The following CTIF variants were observed in gnomAD, a reference collection of about 807,000 sequenced individuals.
The protein encoded by CTIF is CBP80/20-dependent translation initiation factor.
A neutral mutation model predicts 66.0 loss-of-function variants in CTIF; 21 were observed. The ratio of observed to expected loss-of-function variants is 0.32; its 90% CI spans 0.23 to 0.46. The LOEUF (loss-of-function observed/expected upper bound fraction) is 0.46. Among genes scored for constraint, CTIF ranks in the 20% least tolerant of loss-of-function variants. The pLI is 1.00. For missense variants in CTIF, 739 were observed against 812.7 expected (o/e 0.91, Z 1.10); for synonymous variants, 345 against 326.4 (o/e 1.06, Z -0.62).
At chr18:48,590,357 C>A (rs111477910) in intron 1 of CTIF, among the ~76,000 whole-genome samples, 2 of 151,300 alleles carry the variant, frequency 1.3e-5, no homozygotes, top group Non-Finnish European at 3.0e-5. Context: ...TGGGCCTGCC[C>A]GGAACTGGCC....
At chr18:48,754,098 T>C (rs1182091116) in intron 7 of CTIF, among the ~76,000 whole-genome samples, 1 of 152,228 alleles carries the variant, frequency 6.6e-6, no homozygotes. Flanking sequence ...CCAGTGCCCT[T>C]AGCAGCCCTC....
At chr18:48,621,209 A>C (rs299703) in intron 2 of CTIF, among the ~76,000 whole-genome samples, 58,083 of 151,446 alleles carry the variant, frequency 0.38, 11,950 homozygotes, top group African/African-American at 0.53. Flanking sequence ...AGTAAAGCGG[A>C]AAATGGAACG....
At chr18:48,619,876 C>A (rs1365445295) in intron 2 of CTIF, 131 bp downstream of exon 2, 12 of 904,458 alleles carry the variant, frequency 1.3e-5, no homozygotes, top group Non-Finnish European at 1.8e-5. Context: ...CCCAGCAGAG[C>A]ACCCAGAATC....
intron 9 of CTIF, among the ~76,000 whole-genome samples, chr18:48,786,369 G>T (rs1306156987): frequency 6.6e-6 from 1 of 152,166 alleles, no homozygotes; most frequent in Non-Finnish European, 1.5e-5. Context: ...GCACTGTCAA[G>T]AGCCTGGACT....
chr18:48,767,377 C>T (rs879738231), intron 9 of CTIF, among the ~76,000 whole-genome samples: 2 of 152,088 alleles, frequency 1.3e-5, no homozygotes, highest in Admixed American at 6.5e-5. Context: ...GTCACTGCCC[C>T]GGGACGTCCA....
Position 48,857,656 on chromosome 18 carries a change from T to C in CTIF, c.1581+15T>C, listed in dbSNP as rs912279882. 6.3e-7 allele frequency: 1 copy of C among 1,599,088 alleles called. No homozygotes were observed. Among genetic ancestry groups the C allele is most frequent in the African/African-American group, 1.3e-5 (1 of 74,356 alleles). On this transcript the variant is annotated intron_variant, in intron 11 of 11. Coordinates refer to ENST00000256413, the MANE Select transcript of CTIF (RefSeq NM_014772.3). ...GCTCTATGGAGGTAAGCTTTGGGGC[T>C]TCGACATCCCCAACCTCAAAGCCGG...
At chr18:48,702,400 T>C (rs983098726) in intron 6 of CTIF, among the ~76,000 whole-genome samples, 1 of 151,948 alleles carries the variant, frequency 6.6e-6, no homozygotes, top group African/African-American at 2.4e-5. Flanking sequence ...TTTAAGGGGG[T>C]CGTGGAATCC....
chr18:48,610,309 T>C (rs1404079730), intron 1 of CTIF, among the ~76,000 whole-genome samples: 1 of 152,156 alleles, frequency 6.6e-6, no homozygotes, highest in Non-Finnish European at 1.5e-5. Flanking sequence ...GAGGCTTCTA[T>C]GGGCTTTGGG....
At position 48,839,284 on chromosome 18, in the gene CTIF, T is replaced by G. The variant is rs892741389; in HGVS notation, c.1528-18304T>G. 1.5e-4 allele frequency among the ~76,000 whole-genome samples: 23 copies of G among 152,150 alleles called. No individual in the cohort carries two copies. In the East Asian group the frequency reaches 4.4e-3, roughly 29 times the overall value. On this transcript the variant is annotated intron_variant, in intron 10 of 11. Transcript: ENST00000256413. ...CCTGCCTGTGGTGTCCTTCCCTCTC[T>G]TCCTCTCCTCACCCCACTCTCCTGG...
intron 9 of CTIF, among the ~76,000 whole-genome samples, chr18:48,787,170 T>C (rs1911784391): frequency 6.6e-6 from 1 of 151,894 alleles, no homozygotes; most frequent in Non-Finnish European, 1.5e-5. Context: ...CCCAGAAGGA[T>C]GACCGACATC....
At chr18:48,616,103 G>T (rs1028138985) in intron 1 of CTIF, among the ~76,000 whole-genome samples, 2 of 152,218 alleles carry the variant, frequency 1.3e-5, no homozygotes, top group African/African-American at 4.8e-5. Context: ...GGCAGAGCCT[G>T]GCACTCAATC....
At chr18:48,739,309 C>A (rs561374043) in intron 7 of CTIF, among the ~76,000 whole-genome samples, 1 of 152,328 alleles carries the variant, frequency 6.6e-6, no homozygotes, top group South Asian at 2.1e-4. Context: ...GAAGGACAGA[C>A]CTAACCCCCA....
chr18:48,658,939 CTG>C (rs2091291917), intron 3 of CTIF, among the ~76,000 whole-genome samples: 3 of 152,128 alleles, frequency 2.0e-5, no homozygotes, highest in Non-Finnish European at 2.9e-5. Flanking sequence ...GTTAATAACT[CTG>C]TTGCGTGAGG....
chr18:48,764,127 C>CT (rs1463527850), intron 9 of CTIF, among the ~76,000 whole-genome samples: 1 of 152,158 alleles, frequency 6.6e-6, no homozygotes, highest in Non-Finnish European at 1.5e-5. Flanking sequence ...CCTGAAGCAT[C>CT]TCACACTCCT....
At chr18:48,757,143 T>C (rs774109031) in intron 7 of CTIF, among the ~76,000 whole-genome samples, 3 of 152,122 alleles carry the variant, frequency 2.0e-5, no homozygotes. Context: ...GTGTCAAAGG[T>C]TCCTCTTGTT....
At chr18:48,606,211 C>T (rs2090197440) in intron 1 of CTIF, among the ~76,000 whole-genome samples, 1 of 152,240 alleles carries the variant, frequency 6.6e-6, no homozygotes, top group Non-Finnish European at 1.5e-5. Flanking sequence ...CCCTTTCCCC[C>T]TTCCTCAGAG....
chr18:48,855,719 A>G (rs1274061328), intron 10 of CTIF, among the ~76,000 whole-genome samples: 2 of 152,226 alleles, frequency 1.3e-5, no homozygotes, highest in Non-Finnish European at 2.9e-5. Flanking sequence ...TGAGGGAAGC[A>G]ACAAAACCTC....
At chr18:48,733,130 A>G (rs1045041421) in intron 7 of CTIF, among the ~76,000 whole-genome samples, 4 of 152,126 alleles carry the variant, frequency 2.6e-5, no homozygotes, top group African/African-American at 9.7e-5. Flanking sequence ...TCCCTTCCAA[A>G]GCGTAGCTGC....
At chr18:48,787,309 G>T (rs1370705040) in intron 9 of CTIF, among the ~76,000 whole-genome samples, 1 of 152,086 alleles carries the variant, frequency 6.6e-6, no homozygotes, top group Non-Finnish European at 1.5e-5. Flanking sequence ...GGCGGGGAAA[G>T]GGAAGGAAGA....
Sources: allele counts gnomAD v4.1 joint callset (sites outside exome capture counted in the v4.1 genomes callset), GRCh38; gene constraint gnomAD v4.1.1; transcripts MANE v1.5; gene names NCBI Gene and HGNC (gene_info 2026-07-23, HGNC 2026-07-21).